EPAS1: variants seen among roughly 807,000 people sequenced by gnomAD.
The protein encoded by EPAS1 is endothelial PAS domain protein 1.
Under a neutral mutation model 87.9 loss-of-function variants are expected in EPAS1, and 23 were observed. That is an observed-to-expected ratio of 0.26 (90% CI 0.19 to 0.37). EPAS1 has a LOEUF of 0.37. EPAS1 is among the 10% of genes least tolerant of loss of function. The pLI, the probability that EPAS1 is intolerant of heterozygous loss-of-function variation, is 1.00. For synonymous variants in EPAS1, 508 were observed against 444.3 expected (o/e 1.14, Z -1.80); for missense variants, 1,138 against 1,120.7 (o/e 1.02, Z -0.22).
intron 1 of EPAS1, among the ~76,000 whole-genome samples, chr2:46,314,970 G>C (rs952078285): frequency 6.6e-6 from 1 of 152,158 alleles, no homozygotes; most frequent in Admixed American, 6.5e-5. Context: ...TGATGCCAGG[G>C]AGAAGGAGGC....
At chr2:46,353,154 T>C (rs1467151961) in intron 2 of EPAS1, among the ~76,000 whole-genome samples, 1 of 152,178 alleles carries the variant, frequency 6.6e-6, no homozygotes, top group Admixed American at 6.5e-5. Context: ...GTCACCTATC[T>C]GGTGTGATTG....
At chr2:46,384,011 CT>C (rs1343118796) in intron 15 of EPAS1, among the ~76,000 whole-genome samples, 4 of 152,216 alleles carry the variant, frequency 2.6e-5, no homozygotes, top group Non-Finnish European at 5.9e-5. Flanking sequence ...AGTGTCCCCC[CT>C]GCCACTCCCT....
chr2:46,324,979 G>A (rs567139272), intron 1 of EPAS1, among the ~76,000 whole-genome samples: 2 of 152,342 alleles, frequency 1.3e-5, no homozygotes, highest in Non-Finnish European at 2.9e-5. Context: ...TAGAGATGTT[G>A]TTTAATATTT....
chr2:46,341,578 A>G (rs1222556674), intron 1 of EPAS1, among the ~76,000 whole-genome samples: 1 of 152,140 alleles, frequency 6.6e-6, no homozygotes, highest in African/African-American at 2.4e-5. Flanking sequence ...GATCACACCA[A>G]CTCCTAGATA....
intron 7 of EPAS1, among the ~76,000 whole-genome samples, chr2:46,373,175 G>A (rs1394425086): frequency 1.3e-5 from 2 of 152,154 alleles, no homozygotes; most frequent in East Asian, 1.9e-4. Context: ...GTGGCACAGG[G>A]TTTTGTTTAA....
intron 4 of EPAS1, among the ~76,000 whole-genome samples, chr2:46,359,585 C>T (rs1388937730): frequency 6.6e-6 from 1 of 152,130 alleles, no homozygotes; most frequent in Non-Finnish European, 1.5e-5. Context: ...GTGGGGTCCC[C>T]TAAGGATGTT....
intron 6 of EPAS1, among the ~76,000 whole-genome samples, chr2:46,368,594 T>TG (rs566748286): frequency 3.9e-5 from 6 of 152,148 alleles, no homozygotes; most frequent in African/African-American, 7.2e-5. Flanking sequence ...TTGACCTGTT[T>TG]GGGGGGTGGG....
Position 46,346,538 on chromosome 2 carries a change from C to A in EPAS1, c.27-335C>A, listed in dbSNP as rs1162515272. Among the ~76,000 whole-genome samples the A allele has an allele frequency of 6.6e-6, 1 of 152,236 alleles. No individual in the cohort carries two copies. The highest frequency in any genetic ancestry group is 1.5e-5 in the Non-Finnish European group (1 of 68,046). On this transcript the variant is annotated intron_variant, in intron 1 of 15. Transcript: ENST00000263734. The surrounding 1 kb of genome is among the most constrained non-coding windows in gnomAD (Gnocchi z 4.0). ...TTCTCTTTCCATCCCTGGACATTCA[C>A]CCCTATCCCCAGATATTCCAGGGCT...
intron 1 of EPAS1, among the ~76,000 whole-genome samples, chr2:46,313,110 T>G (rs1038609247): frequency 3.3e-5 from 5 of 152,240 alleles, no homozygotes; most frequent in Admixed American, 6.5e-5. Flanking sequence ...GAGCGAATGT[T>G]GACACCTAAA....
At chr2:46,339,386 G>A (rs1274073700) in intron 1 of EPAS1, among the ~76,000 whole-genome samples, 1 of 152,220 alleles carries the variant, frequency 6.6e-6, no homozygotes, top group Non-Finnish European at 1.5e-5. Flanking sequence ...GTGCCACATG[G>A]CCAGTGCTGC....
At chr2:46,331,214 G>A (rs984780099) in intron 1 of EPAS1, among the ~76,000 whole-genome samples, 3 of 152,212 alleles carry the variant, frequency 2.0e-5, no homozygotes, top group East Asian at 1.9e-4. Context: ...TGGCACATGC[G>A]CTTGGCCTGG....
chr2:46,370,146 C>T (rs1287324582), intron 7 of EPAS1, among the ~76,000 whole-genome samples: 1 of 152,230 alleles, frequency 6.6e-6, no homozygotes, highest in Non-Finnish European at 1.5e-5. Context: ...AGGACACTTC[C>T]TCCAGGGAGA....
intron 1 of EPAS1, among the ~76,000 whole-genome samples, chr2:46,312,773 A>G (rs891211643): frequency 3.9e-5 from 6 of 152,186 alleles, no homozygotes; most frequent in Non-Finnish European, 8.8e-5. Flanking sequence ...AGGAAATCTG[A>G]TTATACCCAA....
rs2103664294 is a variant in EPAS1 at position 46,376,592 on chromosome 2, T to A, written c.1088T>A (p.Phe363Tyr). 1.9e-6 allele frequency: 3 copies of A among 1,614,136 alleles called. No individual in the cohort carries two copies. Among genetic ancestry groups the A allele is most frequent in the Admixed American group, 3.3e-5 (2 of 60,030 alleles). The change falls in exon 9 of 16, where the codon TTC (phenylalanine) becomes TAC (tyrosine). Residue 363 changes from phenylalanine (F) to tyrosine (Y), a missense_variant. Around this residue, in one of 4 missense-constraint regions of EPAS1, gnomAD observed 284 missense variants for 258.4 expected, o/e 1.10. Coordinates refer to ENST00000263734, the MANE Select transcript of EPAS1 (RefSeq NM_001430.5). Reference protein sequence around the residue: ...VFSMDQTESLFKPHLMAMNSI... With the variant: ...VFSMDQTESLYKPHLMAMNSI... ...TCCATGGACCAGACTGAATCCCTGT[T>A]CAAGCCCCACCTGATGGCCATGAAC...
chr2:46,374,984 G>A lies in EPAS1; in HGVS notation c.887-706G>A, dbSNP rs74776076. Among the ~76,000 whole-genome samples the A allele has an allele frequency of 3.4e-3, 522 of 152,230 alleles. 2 individuals are homozygous for A. Among genetic ancestry groups the A allele is most frequent in the Non-Finnish European group, 5.2e-3 (352 of 68,016 alleles). On this transcript the variant is annotated intron_variant, in intron 7 of 15. Coordinates refer to ENST00000263734, the MANE Select transcript of EPAS1 (RefSeq NM_001430.5). ...TACAGCTTATGAAGAGACTGTGTGT[G>A]GGCTGCCAGGGTCCCAGCTCTTTCT...
chr2:46,384,861 A>ATTGT lies in EPAS1; in HGVS notation c.*204_*207dup. On this transcript the variant is annotated 3_prime_UTR_variant, in exon 16 of 16. Transcript: ENST00000263734. The stretch of plus-strand genomic sequence containing the variant: ...ATTATCCCTATTTTTAAAGTACACA[A>ATTGT]TTGTTTTACCTGTTCTGAAATGTTC... 3.0e-6 allele frequency: 2 copies of ATTGT among 657,304 alleles called. No individual in the cohort carries two copies. Among genetic ancestry groups the ATTGT allele is most frequent in the Admixed American group, 2.8e-5 (1 of 35,348 alleles). 40.7% of individuals were successfully genotyped at this position (657,304 alleles called of 1,614,324 possible). A position where few individuals can be genotyped will look rare whatever the true frequency, so the allele number is the denominator to read the frequency against.
At chr2:46,356,542 G>A (rs1216474758) in intron 3 of EPAS1, among the ~76,000 whole-genome samples, 182 bp from the exon 4 acceptor site, 1 of 150,996 alleles carries the variant, frequency 6.6e-6, no homozygotes, top group Non-Finnish European at 1.5e-5. Flanking sequence ...CCAAGTCTCT[G>A]TCATCATCAG....
chr2:46,386,382 G>A lies in EPAS1; in HGVS notation c.*1722G>A, dbSNP rs1685025619. 1 of 152,616 alleles carries A rather than the reference G, an allele frequency of 6.6e-6. No individual in the cohort carries two copies. The highest frequency in any genetic ancestry group is 2.4e-5 in the African/African-American group (1 of 41,440). The allele number at this position is 152,616 out of a possible 1,614,324, so 9.5% of individuals were successfully genotyped here. ...TGAGAAATTCCTTAGTCATGGTGTT[G>A]CGTAAATCATATTTTAGCTGCACGG... On this transcript the variant is annotated 3_prime_UTR_variant, in exon 16 of 16. Coordinates refer to ENST00000263734, the MANE Select transcript of EPAS1 (RefSeq NM_001430.5).
chr2:46,368,450 G>C (rs933962855), intron 6 of EPAS1, among the ~76,000 whole-genome samples: 1 of 152,184 alleles, frequency 6.6e-6, no homozygotes, highest in African/African-American at 2.4e-5. Flanking sequence ...AGTAGGTTCT[G>C]GGGGGACTTG....
Sources: gnomAD v4.1 joint callset for allele counts (sites outside exome capture counted in the v4.1 genomes callset) on GRCh38, gnomAD v4.1.1 for gene constraint, gnomAD v4.1.1 regional missense constraint, Gnocchi (gnomAD v3.1) non-coding constraint, MANE v1.5 for transcripts, NCBI Gene and HGNC (gene_info 2026-07-23, HGNC 2026-07-21) for gene names.